Variants in OSBPL10 observed in about 807,000 individuals in gnomAD.
The protein encoded by OSBPL10 is oxysterol-binding protein-related protein 10.
In OSBPL10, 49 loss-of-function variants were observed where a neutral mutation model predicts 81.7. The observed-to-expected ratio is 0.60, with a 90% confidence interval of 0.48 to 0.76. The LOEUF is 0.76. OSBPL10 is among the 30% of genes least tolerant of loss of function. The pLI is 0.00. For synonymous variants in OSBPL10, 419 were observed against 383.6 expected, an observed-to-expected ratio of 1.09 and a Z score of -1.08; for missense variants, 923 against 987.8, an observed-to-expected ratio of 0.93 and a Z score of 0.88.
At chr3:32,001,988 T>A (rs1200478065) in intron 2 of OSBPL10, among the ~76,000 whole-genome samples, 1 of 152,208 alleles carries the variant, frequency 6.6e-6, no homozygotes, top group Non-Finnish European at 1.5e-5. Flanking sequence ...CACACAGAAG[T>A]AAGACATTCA....
At chr3:31,885,300 C>T (rs547678344) in intron 1 of OSBPL10, among the ~76,000 whole-genome samples, 1 of 152,290 alleles carries the variant, frequency 6.6e-6, no homozygotes, top group South Asian at 2.1e-4. Context: ...CACTCACATA[C>T]TCACAAACTC....
intron 1 of OSBPL10, among the ~76,000 whole-genome samples, chr3:31,900,870 G>A (rs1254779615): frequency 6.6e-6 from 1 of 152,126 alleles, no homozygotes; most frequent in Non-Finnish European, 1.5e-5. Context: ...TTACCATTAA[G>A]TATGATGTTA....
At chr3:31,870,129 G>A (rs1430487921) in intron 3 of OSBPL10, among the ~76,000 whole-genome samples, 2 of 152,238 alleles carry the variant, frequency 1.3e-5, no homozygotes, top group African/African-American at 2.4e-5. Context: ...AGGGACAGGC[G>A]CAAGGGGGAA....
intron 1 of OSBPL10, among the ~76,000 whole-genome samples, chr3:31,894,173 C>T (rs149902839): frequency 1.6e-4 from 24 of 152,174 alleles, no homozygotes; most frequent in Admixed American, 3.3e-4. Flanking sequence ...TGTCACTTAG[C>T]CGTTGGATGG....
intron 3 of OSBPL10, among the ~76,000 whole-genome samples, chr3:31,841,495 T>A (rs929044581): frequency 3.9e-5 from 6 of 152,218 alleles, no homozygotes; most frequent in African/African-American, 1.4e-4. Context: ...AGTGTGTGGA[T>A]GGAGCCATTA....
At chr3:31,769,445 C>CAAAAAAAAAAAAAAA (rs1213069221) in intron 4 of OSBPL10, among the ~76,000 whole-genome samples, 1 of 10,822 alleles carries the variant, frequency 9.2e-5, no homozygotes. Flanking sequence ...AACTCCATCT[C>CAAAAAAAAAAAAAAA]AAAAAAAAAA....
At chr3:31,930,830 T>C (rs1053417925) in intron 1 of OSBPL10, among the ~76,000 whole-genome samples, 1 of 151,168 alleles carries the variant, frequency 6.6e-6, no homozygotes, top group African/African-American at 2.4e-5. Flanking sequence ...CTGGCTAACA[T>C]GGTGAAACCC....
chr3:31,668,510 AAAG>A (rs1700250136), intron 10 of OSBPL10, 129 bp downstream of exon 10: 1 of 808,324 alleles, frequency 1.2e-6, no homozygotes, highest in Non-Finnish European at 1.8e-6. Context: ...TAAAATATCT[AAAG>A]AAGCCAGTAG....
intron 5 of OSBPL10, among the ~76,000 whole-genome samples, chr3:31,741,192 G>C (rs1031091195): frequency 2.6e-5 from 4 of 152,212 alleles, no homozygotes; most frequent in African/African-American, 9.6e-5. Context: ...TTCACAAAAA[G>C]ATTGAATTTT....
intron 1 of OSBPL10, among the ~76,000 whole-genome samples, chr3:31,958,727 T>C (rs1575060874): frequency 6.6e-6 from 1 of 152,150 alleles, no homozygotes; most frequent in South Asian, 2.1e-4. Flanking sequence ...CGGCTTTGTG[T>C]TCCAAAAGCC....
At chr3:31,984,865 G>A (rs1698911761), upstream of OSBPL10, among the ~76,000 whole-genome samples, 1 of 152,218 alleles carries the variant, frequency 6.6e-6, no homozygotes, top group South Asian at 2.1e-4. Flanking sequence ...ACAGCTTACA[G>A]GTTAGAAGCA....
chr3:31,852,460 C>A (rs1045499929), intron 3 of OSBPL10, among the ~76,000 whole-genome samples: 7 of 152,096 alleles, frequency 4.6e-5, no homozygotes, highest in African/African-American at 1.4e-4. Context: ...AGGTGATGCA[C>A]GTGAAAGAAA....
Position 31,988,792 on chromosome 3 carries a change from C to T in OSBPL10, n.298+57699G>A, listed in dbSNP as rs542170220. ...AAGCAGATTTTCTGAGACCTGCTAACAGCCATGTGAGTGACCTTGGAAGTA... is the reference window on the plus strand; with the variant it reads ...AAGCAGATTTTCTGAGACCTGCTAATAGCCATGTGAGTGACCTTGGAAGTA... On this transcript the variant is annotated intron_variant and non_coding_transcript_variant, in intron 2 of 3. Coordinates refer to the OSBPL10 transcript ENST00000479173. The T allele has an allele frequency of 1.5e-5, 7 of 463,410 alleles. No individual in the cohort carries two copies. In the South Asian group the frequency reaches 2.0e-4, roughly 13 times the overall value. The allele number at this position is 463,410 out of a possible 1,614,324, so 28.7% of individuals were successfully genotyped here. A position where few individuals can be genotyped will look rare whatever the true frequency, so the allele number is the denominator to read the frequency against.
intron 1 of OSBPL10, among the ~76,000 whole-genome samples, chr3:31,883,953 T>C (rs949746102): frequency 3.3e-5 from 5 of 152,232 alleles, no homozygotes; most frequent in Non-Finnish European, 7.3e-5. Context: ...AAGGCTTAAC[T>C]TTTCTCTCCT....
intron 4 of OSBPL10, among the ~76,000 whole-genome samples, chr3:31,760,341 G>A (rs755139514): frequency 3.3e-5 from 5 of 152,208 alleles, no homozygotes; most frequent in East Asian, 1.9e-4. Context: ...AGGGTCAATC[G>A]TACAGTCATC....
At chr3:31,847,193 CCTTT>C (rs2125567144) in intron 3 of OSBPL10, among the ~76,000 whole-genome samples, 1 of 148,538 alleles carries the variant, frequency 6.7e-6, no homozygotes, top group Non-Finnish European at 1.5e-5. Flanking sequence ...TCTCCCCATT[CCTTT>C]TTTTTTTTTT....
upstream of OSBPL10, chr3:31,981,276 G>A (rs1668746084): frequency 3.1e-6 from 4 of 1,295,232 alleles, no homozygotes; most frequent in East Asian, 3.2e-5. The surrounding 1 kb of genome is among the most constrained non-coding windows in gnomAD (Gnocchi z 4.5). Flanking sequence ...CGGGCCGCGC[G>A]TGCCTGCTCC....
At chr3:31,710,985 T>TA (rs1269111125) in intron 6 of OSBPL10, 1 of 152,264 alleles carries the variant, frequency 6.6e-6, no homozygotes, top group African/African-American at 2.4e-5. Flanking sequence ...TTGCTTAAGA[T>TA]ATGGTCTCAG....
intron 3 of OSBPL10, among the ~76,000 whole-genome samples, chr3:31,853,979 G>A (rs1238402884): frequency 1.3e-5 from 2 of 152,162 alleles, no homozygotes; most frequent in Non-Finnish European, 2.9e-5. Context: ...ATATTGTAAG[G>A]ATTAAACTAA....
Sources: gnomAD v4.1 joint callset for allele counts (sites outside exome capture counted in the v4.1 genomes callset) on GRCh38, gnomAD v4.1.1 for gene constraint, Gnocchi (gnomAD v3.1) non-coding constraint, MANE v1.5 for transcripts, NCBI Gene and HGNC (gene_info 2026-07-23, HGNC 2026-07-21) for gene names.